PTPN4: variants seen among roughly 807,000 people sequenced by gnomAD.
The protein encoded by PTPN4 is tyrosine-protein phosphatase non-receptor type 4.
A neutral mutation model predicts 135.5 loss-of-function variants in PTPN4; 49 were observed. That is an observed-to-expected ratio of 0.36 (90% CI 0.29 to 0.46). PTPN4 has a LOEUF of 0.46. Among genes scored for constraint, PTPN4 ranks in the 20% least tolerant of loss-of-function variants. The pLI is 1.00. For synonymous variants in PTPN4, 333 were observed against 369.9 expected (o/e 0.90, Z 1.14); for missense variants, 860 against 1,101.0 (o/e 0.78, Z 3.10).
chr2:119,958,796 A>G (rs1031759802), intron 22 of PTPN4, among the ~76,000 whole-genome samples: 7 of 152,238 alleles, frequency 4.6e-5, no homozygotes, highest in African/African-American at 7.2e-5. Flanking sequence ...CATTTAACTC[A>G]TAGTCAACAG....
intron 10 of PTPN4, among the ~76,000 whole-genome samples, chr2:119,908,553 T>C (rs192392694): frequency 1.3e-5 from 2 of 152,282 alleles, no homozygotes; most frequent in East Asian, 3.9e-4. Context: ...GTTTGTTCTT[T>C]CTGCCCCACT....
intron 2 of PTPN4, among the ~76,000 whole-genome samples, chr2:119,831,274 C>T (rs1198866511): frequency 6.6e-6 from 1 of 152,136 alleles, no homozygotes; most frequent in Non-Finnish European, 1.5e-5. Flanking sequence ...CGCTCACCTC[C>T]TGCTTTGTGG....
intron 19 of PTPN4, among the ~76,000 whole-genome samples, chr2:119,952,381 G>A (rs1392360460): frequency 6.6e-6 from 1 of 151,524 alleles, no homozygotes; most frequent in Non-Finnish European, 1.5e-5. Context: ...CAATCTAATC[G>A]ACTTATTAGG....
intron 2 of PTPN4, among the ~76,000 whole-genome samples, chr2:119,839,887 A>G (rs1266469416): frequency 6.6e-6 from 1 of 152,222 alleles, no homozygotes; most frequent in Non-Finnish European, 1.5e-5. Flanking sequence ...TTGAGAAATT[A>G]TGCCTTAGAT....
At chr2:119,924,473 A>G (rs1486652991) in intron 12 of PTPN4, among the ~76,000 whole-genome samples, 1 of 150,502 alleles carries the variant, frequency 6.6e-6, no homozygotes, top group African/African-American at 2.5e-5. Flanking sequence ...CTGTGGGTAA[A>G]AACAATTTTT....
At chr2:119,909,281 C>T (rs907802620) in intron 10 of PTPN4, among the ~76,000 whole-genome samples, 14 of 152,224 alleles carry the variant, frequency 9.2e-5, no homozygotes, top group Admixed American at 1.3e-4. Flanking sequence ...TCTCTTGTTG[C>T]GGAATAAAGT....
chr2:119,940,191 C>G (rs1345040973), intron 15 of PTPN4, among the ~76,000 whole-genome samples: 1 of 152,154 alleles, frequency 6.6e-6, no homozygotes. Flanking sequence ...ACTCATATCC[C>G]TGATAGTTTA....
At chr2:119,814,152 T>C (rs1055902319) in intron 2 of PTPN4, among the ~76,000 whole-genome samples, 1 of 152,220 alleles carries the variant, frequency 6.6e-6, no homozygotes, top group African/African-American at 2.4e-5. Context: ...CATATAGTTT[T>C]ATAGGTCTTG....
chr2:119,821,334 G>A (rs1270795946), intron 2 of PTPN4, among the ~76,000 whole-genome samples: 1 of 151,516 alleles, frequency 6.6e-6, no homozygotes, highest in Non-Finnish European at 1.5e-5. Flanking sequence ...CTCGTGATCT[G>A]CCCAGCTGGG....
intron 1 of PTPN4, among the ~76,000 whole-genome samples, chr2:119,775,831 CTA>C (rs1690826111): frequency 6.7e-6 from 1 of 149,526 alleles, no homozygotes; most frequent in Non-Finnish European, 1.5e-5. Flanking sequence ...ATATCTATAT[CTA>C]TATCTATATA....
intron 10 of PTPN4, 114 bp from the exon 11 acceptor site, chr2:119,915,065 T>C (rs1476344474): frequency 2.3e-6 from 2 of 858,576 alleles, no homozygotes; most frequent in Admixed American, 4.1e-5. Context: ...TGTGTATGTA[T>C]ATATGATAAA....
chr2:119,835,329 C>T (rs112756605), intron 2 of PTPN4, among the ~76,000 whole-genome samples: 3,846 of 152,134 alleles, frequency 0.025, 161 homozygotes, highest in African/African-American at 0.087. Flanking sequence ...GGATTAGAGG[C>T]GTCTGCCACC....
At chr2:119,846,663 CTTTT>C (rs1343214374) in intron 2 of PTPN4, among the ~76,000 whole-genome samples, 1 of 151,268 alleles carries the variant, frequency 6.6e-6, no homozygotes, top group African/African-American at 2.4e-5. Context: ...TTACTTTTTG[CTTTT>C]TTTGTTTCTC....
chr2:119,927,661 G>A (rs1409490633), intron 13 of PTPN4, among the ~76,000 whole-genome samples: 1 of 152,138 alleles, frequency 6.6e-6, no homozygotes, highest in African/African-American at 2.4e-5. Flanking sequence ...TGACCAACTG[G>A]ATACAGGTGT....
intron 2 of PTPN4, among the ~76,000 whole-genome samples, chr2:119,859,609 T>C (rs1432312925): frequency 3.3e-5 from 5 of 152,202 alleles, no homozygotes; most frequent in Non-Finnish European, 5.9e-5. Flanking sequence ...CCAGGCTTCC[T>C]CTTCAGCTTC....
chr2:119,871,067 G>A (rs1677902457), intron 3 of PTPN4, among the ~76,000 whole-genome samples: 1 of 151,086 alleles, frequency 6.6e-6, no homozygotes, highest in Non-Finnish European at 1.5e-5. Context: ...TGGGAAGATA[G>A]CATGAACAGA....
chr2:119,879,635 A>G (rs1678041419), intron 5 of PTPN4, among the ~76,000 whole-genome samples: 1 of 152,242 alleles, frequency 6.6e-6, no homozygotes, highest in African/African-American at 2.4e-5. Context: ...CCCCCAAATG[A>G]TTCTAATATA....
intron 2 of PTPN4, among the ~76,000 whole-genome samples, chr2:119,813,817 TC>T (rs1169405806): frequency 6.6e-6 from 1 of 151,134 alleles, no homozygotes; most frequent in African/African-American, 2.5e-5. Context: ...TTTTGCCTCT[TC>T]CTCATCACTT....
chr2:119,893,113 C>T (rs2105009993), intron 9 of PTPN4, among the ~76,000 whole-genome samples: 1 of 152,198 alleles, frequency 6.6e-6, no homozygotes, highest in Non-Finnish European at 1.5e-5. Context: ...TGTGAATTTA[C>T]ATTTTTAAAA....
Sources: allele counts gnomAD v4.1 joint callset (sites outside exome capture counted in the v4.1 genomes callset), GRCh38; gene constraint gnomAD v4.1.1; transcripts MANE v1.5; gene names NCBI Gene and HGNC (gene_info 2026-07-23, HGNC 2026-07-21).